PTPRR: variants seen among roughly 807,000 people sequenced by gnomAD.
PTPRR encodes the protein protein tyrosine phosphatase receptor type R.
A neutral mutation model predicts 77.2 loss-of-function variants in PTPRR; 38 were observed. That is an observed-to-expected ratio of 0.49 (90% CI 0.38 to 0.65). The LOEUF (loss-of-function observed/expected upper bound fraction) is 0.65, where lower values mean the gene tolerates loss of function less well. Among genes scored for constraint, PTPRR ranks in the 30% least tolerant of loss-of-function variants. The pLI, the probability that PTPRR is intolerant of heterozygous loss-of-function variation, is 0.00. For synonymous variants in PTPRR, 299 were observed against 283.1 expected (o/e 1.06, Z -0.57); for missense variants, 744 against 799.2 (o/e 0.93, Z 0.83).
At chr12:70,671,893 G>A in intron 10 of PTPRR, 1 of 749,648 alleles carries the variant, frequency 1.3e-6, no homozygotes, top group Admixed American at 2.5e-5. Context: ...AGCGCAGGAG[G>A]ACCAGCCACC....
chr12:70,761,771 C>T, intron 3 of PTPRR, 145 bp from the exon 4 acceptor site: 1 of 596,762 alleles, frequency 1.7e-6, no homozygotes, highest in South Asian at 5.5e-5. Context: ...ATTAGTTATT[C>T]TCTGATAGAC....
chr12:70,870,046 G>A (rs79109156), intron 2 of PTPRR, among the ~76,000 whole-genome samples: 2,938 of 152,148 alleles, frequency 0.019, 45 homozygotes, highest in Non-Finnish European at 0.033. Context: ...CATTTTCACC[G>A]GACCCATGCC....
Position 70,746,052 on chromosome 12 carries a change from G to A in PTPRR, c.773C>T (p.Ser258Phe), listed in dbSNP as rs200473700. The part of the protein sequence containing the change: ...LYRLKERFQL[S>F]LRQDKEKNQE... ...GTTTTTCTCTTTGTCTTGTCTTAAGGAAAGCTGAAATCTTTCTTTTAATCT... is the reference window on the plus strand; with the variant it reads ...GTTTTTCTCTTTGTCTTGTCTTAAGAAAAGCTGAAATCTTTCTTTTAATCT... The change falls in exon 6 of 14, where the codon TCC (serine) becomes TTC (phenylalanine). Residue 258 changes from serine (S) to phenylalanine (F), a missense_variant. Physicochemically the swap from Ser to Phe is radical, Grantham distance 155. Transcript: ENST00000283228. 2.9e-5 allele frequency: 46 copies of A among 1,612,946 alleles called. No homozygotes were observed. The highest frequency in any genetic ancestry group is 1.3e-4 in the Admixed American group (8 of 59,962).
At chr12:70,714,312 G>T (rs560559061) in intron 6 of PTPRR, among the ~76,000 whole-genome samples, 1 of 151,976 alleles carries the variant, frequency 6.6e-6, no homozygotes, top group African/African-American at 2.4e-5. Flanking sequence ...TAATGCAGAA[G>T]GAAGCAAATG....
intron 6 of PTPRR, among the ~76,000 whole-genome samples, chr12:70,732,425 G>A (rs1889692844): frequency 6.6e-6 from 1 of 152,208 alleles, no homozygotes; most frequent in Non-Finnish European, 1.5e-5. Flanking sequence ...CCCAGGTGCA[G>A]CGTGACATTG....
rs1053852309 is a variant in PTPRR, at chr12:70,661,084, G to A, written c.1622C>T (p.Thr541Ile). ...GTACCAGTAATGCTTCACATGTTGG[G>A]TGTGGCTTCCTTGCTGAAAATAGCA... ...RNLVLKQGSHTQHVKHYWYTS... is the reference protein window; with the variant it reads ...RNLVLKQGSHIQHVKHYWYTS... The change falls in exon 12 of 14, where the codon ACC becomes ATC. Residue 541 changes from threonine (T) to isoleucine (I), a missense_variant. Physicochemically the swap from Thr to Ile is moderately conservative, Grantham distance 89. Coordinates refer to ENST00000283228, the MANE Select transcript of PTPRR (RefSeq NM_002849.4). 3 of 1,610,256 alleles carry A rather than the reference G, an allele frequency of 1.9e-6. No individual in the cohort carries two copies. Among genetic ancestry groups the A allele is most frequent in the Non-Finnish European group, 2.5e-6 (3 of 1,177,918 alleles).
chr12:70,827,395 G>A (rs1427335523), intron 2 of PTPRR, among the ~76,000 whole-genome samples: 2 of 152,138 alleles, frequency 1.3e-5, no homozygotes, highest in Non-Finnish European at 2.9e-5. Context: ...CTGGAAGCTG[G>A]AAGATCTAGA....
At chr12:70,754,961 C>T (rs930962600) in intron 4 of PTPRR, among the ~76,000 whole-genome samples, 1 of 151,986 alleles carries the variant, frequency 6.6e-6, no homozygotes, top group Non-Finnish European at 1.5e-5. Context: ...AGGTAGAATA[C>T]ACAGGTTTAT....
intron 2 of PTPRR, among the ~76,000 whole-genome samples, chr12:70,867,825 G>T (rs1033378379): frequency 1.3e-5 from 2 of 152,070 alleles, no homozygotes; most frequent in African/African-American, 4.8e-5. Context: ...CATTGTACTG[G>T]TACCAAAACA....
intron 1 of PTPRR, among the ~76,000 whole-genome samples, chr12:70,893,751 G>A (rs991808415): frequency 1.3e-5 from 2 of 151,792 alleles, no homozygotes; most frequent in Non-Finnish European, 2.9e-5. Flanking sequence ...TGTCAAAGAT[G>A]GTAGAGCACT....
intron 2 of PTPRR, among the ~76,000 whole-genome samples, chr12:70,847,769 A>T (rs1357125093): frequency 6.6e-6 from 1 of 152,194 alleles, no homozygotes; most frequent in African/African-American, 2.4e-5. Flanking sequence ...TAAGCACCAG[A>T]TGGACACTTA....
rs1436544409 is a variant in PTPRR, at chr12:70,795,940, T to TTTTTTTTG, written c.358-31163_358-31162insCAAAAAAA. On this transcript the variant is annotated intron_variant, in intron 2 of 13. Coordinates refer to ENST00000283228, the MANE Select transcript of PTPRR (RefSeq NM_002849.4). ...TTTTTTTTTTTTTTTTTTTTTTTTT[T>TTTTTTTTG]TGACACAGAGTCTTGCCCTGTGACC... 8.2e-5 allele frequency among the ~76,000 whole-genome samples: 11 copies of TTTTTTTTG among 133,518 alleles called. 1 individual carries two copies. The highest frequency in any genetic ancestry group is 1.6e-4 in the Non-Finnish European group (10 of 62,122). The allele number at this position is 133,518 out of a possible 152,430, so 87.6% of individuals were successfully genotyped here.
At chr12:70,827,071 A>G (rs1244783984) in intron 2 of PTPRR, among the ~76,000 whole-genome samples, 1 of 152,216 alleles carries the variant, frequency 6.6e-6, no homozygotes, top group Non-Finnish European at 1.5e-5. Flanking sequence ...TCTTACAGCC[A>G]AACCTCAGCT....
chr12:70,751,873 G>A (rs1890411200), intron 5 of PTPRR, among the ~76,000 whole-genome samples: 1 of 151,550 alleles, frequency 6.6e-6, no homozygotes, highest in South Asian at 2.1e-4. Flanking sequence ...AGTGTAGATA[G>A]TGTAGATTAG....
intron 2 of PTPRR, among the ~76,000 whole-genome samples, chr12:70,794,201 T>C (rs1197324676): frequency 6.6e-6 from 1 of 152,226 alleles, no homozygotes; most frequent in Non-Finnish European, 1.5e-5. Flanking sequence ...ATTATAAATA[T>C]ATTTTGTAAA....
chr12:70,817,339 T>C (rs1200134106), intron 2 of PTPRR, among the ~76,000 whole-genome samples: 1 of 152,174 alleles, frequency 6.6e-6, no homozygotes, highest in Non-Finnish European at 1.5e-5. Context: ...AAGATGCCAA[T>C]GGATAAGGTC....
chr12:70,694,044 A>G (rs1450920319), intron 8 of PTPRR, among the ~76,000 whole-genome samples: 3 of 152,206 alleles, frequency 2.0e-5, no homozygotes. Flanking sequence ...AGGATGGCAT[A>G]GGGAGATTAA....
intron 2 of PTPRR, among the ~76,000 whole-genome samples, chr12:70,878,432 G>T (rs1311808342): frequency 8.6e-5 from 13 of 151,832 alleles, no homozygotes; most frequent in East Asian, 1.9e-4. Flanking sequence ...CATCAAAAAG[G>T]GGGCAAAGGA....
intron 2 of PTPRR, among the ~76,000 whole-genome samples, chr12:70,852,312 G>A (rs943170105): frequency 2.6e-5 from 4 of 152,050 alleles, no homozygotes; most frequent in African/African-American, 9.7e-5. Flanking sequence ...CAACTCAACT[G>A]GCTTTGCATG....
Sources: gnomAD v4.1 joint callset for allele counts (sites outside exome capture counted in the v4.1 genomes callset) on GRCh38, gnomAD v4.1.1 for gene constraint, MANE v1.5 for transcripts, NCBI Gene and HGNC (gene_info 2026-07-23, HGNC 2026-07-21) for gene names.